NRXN3: variants seen among roughly 807,000 people sequenced by gnomAD.
NRXN3 encodes neurexin 3.
NRXN3 carries 32 observed loss-of-function variants against 137.6 expected under a neutral mutation model. The observed-to-expected ratio is 0.23, with a 90% confidence interval of 0.18 to 0.31. NRXN3 has a LOEUF of 0.31. Among genes scored for constraint, NRXN3 ranks in the 10% least tolerant of loss-of-function variants. The pLI is 1.00. For missense variants in NRXN3, 1,574 were observed against 2,062.5 expected, an observed-to-expected ratio of 0.76 and a Z score of 4.59; for synonymous variants, 798 against 784.5, an observed-to-expected ratio of 1.02 and a Z score of -0.29.
At chr14:78,795,711 T>C (rs1310015633) in intron 8 of NRXN3, among the ~76,000 whole-genome samples, 2 of 152,192 alleles carry the variant, frequency 1.3e-5, no homozygotes, top group East Asian at 3.8e-4. Flanking sequence ...AGAGGAACTC[T>C]GGAATGGGTG....
chr14:79,544,996 A>C (rs2097305835), intron 16 of NRXN3, among the ~76,000 whole-genome samples: 1 of 152,232 alleles, frequency 6.6e-6, no homozygotes. Context: ...AGTAAGTCTT[A>C]CCAGTGAGCT....
intron 4 of NRXN3, among the ~76,000 whole-genome samples, chr14:78,629,009 T>G (rs1301248673): frequency 1.3e-5 from 2 of 152,176 alleles, no homozygotes; most frequent in Non-Finnish European, 2.9e-5. Context: ...CCTTGAAAAC[T>G]GTCAATAATA....
intron 13 of NRXN3, 95 bp downstream of exon 13, chr14:78,967,493 A>G: frequency 1.2e-6 from 1 of 822,948 alleles, no homozygotes; most frequent in Non-Finnish European, 1.9e-6. Context: ...AGTGCCATGC[A>G]TTTTTGATAC....
intron 15 of NRXN3, among the ~76,000 whole-genome samples, chr14:79,132,250 G>T (rs1407458611): frequency 1.3e-5 from 2 of 152,234 alleles, no homozygotes; most frequent in Non-Finnish European, 2.9e-5. Flanking sequence ...GTCACTGGAA[G>T]ACATAAGTAT....
chr14:78,297,552 G>A (rs952852445), intron 3 of NRXN3, among the ~76,000 whole-genome samples: 1 of 152,126 alleles, frequency 6.6e-6, no homozygotes, highest in Non-Finnish European at 1.5e-5. Context: ...GAAAGTTCTC[G>A]TGATTAGGCC....
intron 20 of NRXN3, among the ~76,000 whole-genome samples, chr14:79,811,239 C>T (rs2099231473): frequency 1.3e-5 from 2 of 152,152 alleles, no homozygotes; most frequent in East Asian, 1.9e-4. Context: ...CACTTAAACA[C>T]TTTGACCAAA....
intron 15 of NRXN3, among the ~76,000 whole-genome samples, chr14:79,458,310 T>A (rs1179013341): frequency 6.6e-6 from 1 of 152,230 alleles, no homozygotes; most frequent in Non-Finnish European, 1.5e-5. Context: ...GTTTCTTTTA[T>A]AAATTGAAAG....
At chr14:78,401,008 T>C (rs1393540015) in intron 4 of NRXN3, among the ~76,000 whole-genome samples, 1 of 152,154 alleles carries the variant, frequency 6.6e-6, no homozygotes, top group Non-Finnish European at 1.5e-5. Context: ...CAGCATCTGG[T>C]GAGGACCCTG....
intron 6 of NRXN3, among the ~76,000 whole-genome samples, chr14:78,676,383 T>C (rs2152729354): frequency 1.3e-5 from 2 of 152,226 alleles, no homozygotes; most frequent in South Asian, 4.2e-4. Flanking sequence ...ATTGCTGATA[T>C]GCAGAAAGTT....
chr14:79,368,312 T>G (rs890774063), intron 15 of NRXN3, among the ~76,000 whole-genome samples: 3 of 152,222 alleles, frequency 2.0e-5, no homozygotes, highest in African/African-American at 7.2e-5. Context: ...GATCCCTTCC[T>G]CCTTAGCTTC....
intron 4 of NRXN3, among the ~76,000 whole-genome samples, chr14:78,587,554 C>T (rs1269730733): frequency 1.3e-5 from 2 of 152,196 alleles, no homozygotes; most frequent in Non-Finnish European, 2.9e-5. Context: ...TACAGTTCCA[C>T]TCCTAAAGAT....
chr14:78,788,186 G>A lies in NRXN3; in HGVS notation c.2045-15434G>A, dbSNP rs183880423. Among the ~76,000 whole-genome samples, 367 of 152,272 alleles carry A rather than the reference G, an allele frequency of 2.4e-3. 1 individual carries two copies. Among genetic ancestry groups the A allele is most frequent in the African/African-American group, 8.4e-3 (351 of 41,560 alleles). Reference sequence around the variant, plus strand: ...GACCAGTGCTACCTGCAACATGGAAGTATCCTCTCATGGAAGCAATGGGCC... The same window carrying A: ...GACCAGTGCTACCTGCAACATGGAAATATCCTCTCATGGAAGCAATGGGCC... On this transcript the variant is annotated intron_variant, in intron 8 of 20. Transcript: ENST00000335750.
At chr14:78,613,534 C>T (rs1390992779) in intron 4 of NRXN3, among the ~76,000 whole-genome samples, 1 of 148,536 alleles carries the variant, frequency 6.7e-6, no homozygotes, top group African/African-American at 2.5e-5. Flanking sequence ...GAAAAGGGGG[C>T]ACAGAGTCTT....
chr14:78,279,911 G>C (rs986250507), intron 3 of NRXN3, among the ~76,000 whole-genome samples: 3 of 152,068 alleles, frequency 2.0e-5, no homozygotes, highest in Admixed American at 6.6e-5. Flanking sequence ...TGTTCTGTGT[G>C]GGATCTTACA....
intron 10 of NRXN3, among the ~76,000 whole-genome samples, chr14:78,891,592 A>C (rs765115419): frequency 5.3e-5 from 8 of 151,956 alleles, no homozygotes; most frequent in Non-Finnish European, 1.2e-4. Context: ...AGAGTGAGAG[A>C]TTCATTATAT....
chr14:79,561,273 G>A (rs2097493857), intron 16 of NRXN3, among the ~76,000 whole-genome samples: 2 of 152,168 alleles, frequency 1.3e-5, no homozygotes, highest in Admixed American at 6.5e-5. Context: ...ACAAGGGAAA[G>A]AAGAGATGTC....
intron 16 of NRXN3, among the ~76,000 whole-genome samples, chr14:79,565,321 GT>G (rs1567520795): frequency 7.0e-6 from 1 of 143,544 alleles, no homozygotes; most frequent in African/African-American, 2.6e-5. Flanking sequence ...ACACACATGT[GT>G]GTGTATATAT....
At chr14:79,437,280 G>A (rs906263877) in intron 15 of NRXN3, among the ~76,000 whole-genome samples, 8 of 152,048 alleles carry the variant, frequency 5.3e-5, no homozygotes, top group Admixed American at 3.3e-4. Flanking sequence ...TGGATAAATA[G>A]TGACACTTCA....
At chr14:78,201,345 G>A (rs2061658682) in intron 1 of NRXN3, among the ~76,000 whole-genome samples, 1 of 152,188 alleles carries the variant, frequency 6.6e-6, no homozygotes, top group South Asian at 2.1e-4. Context: ...CAAAAGGGCA[G>A]GCCCCTAACC....
Sources: gnomAD v4.1 joint callset for allele counts (sites outside exome capture counted in the v4.1 genomes callset) on GRCh38, gnomAD v4.1.1 for gene constraint, MANE v1.5 for transcripts, NCBI Gene and HGNC (gene_info 2026-07-23, HGNC 2026-07-21) for gene names.